Variants in ZFPM1 observed in about 807,000 individuals in gnomAD.
The protein encoded by ZFPM1 is zinc finger protein, FOG family member 1, also known as zinc finger protein ZFPM1.
In ZFPM1, 28 loss-of-function variants were observed where a neutral mutation model predicts 46.3. That is an observed-to-expected ratio of 0.60 (90% CI 0.45 to 0.83). ZFPM1 has a LOEUF of 0.83. Among genes scored for constraint, ZFPM1 ranks in the 40% least tolerant of loss-of-function variants. The pLI is 0.00. For missense variants in ZFPM1, 1,878 were observed against 1,432.4 expected (o/e 1.31, Z -5.02); for synonymous variants, 957 against 675.9 (o/e 1.42, Z -6.45).
At chr16:88,485,806 A>G in intron 1 of ZFPM1, 133 bp from the exon 2 acceptor site, 1 of 717,276 alleles carries the variant, frequency 1.4e-6, no homozygotes, top group Non-Finnish European at 2.3e-6. Flanking sequence ...CCTCAGGGTG[A>G]GGGATGACCC....
intron 1 of ZFPM1, among the ~76,000 whole-genome samples, chr16:88,458,699 C>T (rs1381691745): frequency 1.3e-5 from 2 of 152,204 alleles, no homozygotes; most frequent in African/African-American, 4.8e-5. Context: ...GGTGGGGCTC[C>T]TGCCCACCTG....
intron 6 of ZFPM1, among the ~76,000 whole-genome samples, chr16:88,529,942 A>T (rs975912338): frequency 6.6e-6 from 1 of 152,044 alleles, no homozygotes; most frequent in Admixed American, 6.5e-5. Flanking sequence ...CCAGGTCCAC[A>T]CCTAAGCCCA....
chr16:88,509,366 G>A lies in ZFPM1; in HGVS notation c.269-5021G>A, dbSNP rs1231870481. ...GGGGCCGATTAGATAAGTGGGTGCT[G>A]GGGTGACCCCACGGTGGGCACCAAC... On this transcript the variant is annotated intron_variant, in intron 3 of 9. Coordinates refer to ENST00000319555, the MANE Select transcript of ZFPM1 (RefSeq NM_153813.3). Among the ~76,000 whole-genome samples, 5 of 152,390 alleles carry A rather than the reference G, an allele frequency of 3.3e-5. No individual in the cohort carries two copies. The South Asian group carries it at 8.3e-4, about 25-fold the overall frequency.
intron 4 of ZFPM1, among the ~76,000 whole-genome samples, chr16:88,520,465 G>A (rs1048357906): frequency 2.7e-5 from 4 of 150,430 alleles, no homozygotes; most frequent in African/African-American, 9.8e-5. Context: ...ATGGTGGATG[G>A]ATGGACAGAT....
rs1327855835 is a variant in ZFPM1, at chr16:88,453,519, G to T, written c.-120G>T. The T allele has an allele frequency of 7.6e-6, 3 of 395,416 alleles. No individual in the cohort carries two copies. The highest frequency in any genetic ancestry group is 6.6e-5 in the African/African-American group (3 of 45,272). The allele number at this position is 395,416 out of a possible 1,614,324, so 24.5% of individuals were successfully genotyped here. On this transcript the variant is annotated 5_prime_UTR_variant, in exon 1 of 10. Coordinates refer to ENST00000319555, the MANE Select transcript of ZFPM1 (RefSeq NM_153813.3). ...CGGGCTGGGGGCGCGGGCCGGGGCGGCCGCGGAGACCGGGGGCCGGGGGCA... is the reference window on the plus strand; with the variant it reads ...CGGGCTGGGGGCGCGGGCCGGGGCGTCCGCGGAGACCGGGGGCCGGGGGCA...
chr16:88,489,837 G>A (rs187908755), intron 3 of ZFPM1, among the ~76,000 whole-genome samples: 56 of 152,258 alleles, frequency 3.7e-4, no homozygotes, highest in East Asian at 2.5e-3. Context: ...TGTTTCTGTC[G>A]TTCCTAATAA....
chr16:88,511,036 G>A (rs890408061), intron 3 of ZFPM1, among the ~76,000 whole-genome samples: 9 of 152,130 alleles, frequency 5.9e-5, no homozygotes, highest in African/African-American at 9.7e-5. Context: ...CAACCTGGCC[G>A]GAGCTGGCAT....
chr16:88,476,584 G>A (rs1399631955), intron 1 of ZFPM1, among the ~76,000 whole-genome samples: 5 of 152,122 alleles, frequency 3.3e-5, no homozygotes, highest in African/African-American at 1.2e-4. Context: ...GTAGGGGTTT[G>A]GCTTTTGCTC....
At chr16:88,493,663 GGAGCTGTCCCGGGTTGCGGA>G (rs1235967181) in intron 3 of ZFPM1, among the ~76,000 whole-genome samples, 3 of 128,842 alleles carry the variant, frequency 2.3e-5, no homozygotes, top group Non-Finnish European at 3.5e-5. Context: ...CGGGGTGCGG[GGAGCTGTCCCGGGTTGCGGA>G]GAGCTGTCCT....
intron 3 of ZFPM1, among the ~76,000 whole-genome samples, chr16:88,493,872 C>T (rs554123626): frequency 6.6e-5 from 10 of 152,286 alleles, no homozygotes; most frequent in African/African-American, 2.4e-4. Context: ...CTGTCTGCTG[C>T]GAGCGGCTTT....
intron 5 of ZFPM1, among the ~76,000 whole-genome samples, chr16:88,527,715 G>T (rs7198952): frequency 0.82 from 124,263 of 151,790 alleles, 52,577 homozygotes; most frequent in Non-Finnish European, 0.92. Flanking sequence ...TCTGGCTGCC[G>T]TCCCTGAGTG....
rs201051014 is a variant in ZFPM1, at chr16:88,532,118, G to A, written c.829G>A (p.Ala277Thr). 136 of 1,612,296 alleles carry A rather than the reference G, an allele frequency of 8.4e-5. No individual in the cohort carries two copies. Among genetic ancestry groups the A allele is most frequent in the Middle Eastern group, 4.9e-4 (3 of 6,084 alleles). ...RQGTGSPAAA[A>T]TDEKPKETYP... The stretch of plus-strand genomic sequence containing the variant: ...GGGCACCGGCTCCCCGGCCGCAGCC[G>A]CCACAGACGAGAAGCCCAAAGAGAC... Residue 277 changes from alanine to threonine, a missense_variant, in exon 7 of 10, where the codon GCC becomes ACC. Physicochemically the swap from Ala to Thr is moderately conservative, Grantham distance 58. Transcript: ENST00000319555.
chr16:88,515,300 G>T (rs554032049), intron 4 of ZFPM1, among the ~76,000 whole-genome samples: 1 of 152,304 alleles, frequency 6.6e-6, no homozygotes, highest in East Asian at 1.9e-4. Context: ...GGCCGCTCAG[G>T]GAGTCACTGG....
intron 3 of ZFPM1, among the ~76,000 whole-genome samples, chr16:88,490,419 G>T (rs139569242): frequency 6.6e-6 from 1 of 152,252 alleles, no homozygotes; most frequent in Non-Finnish European, 1.5e-5. Flanking sequence ...GATGCAGAGC[G>T]CGCAAGCGGC....
intron 1 of ZFPM1, among the ~76,000 whole-genome samples, chr16:88,482,266 C>A (rs1288733588): frequency 6.6e-6 from 1 of 151,934 alleles, no homozygotes; most frequent in African/African-American, 2.4e-5. Context: ...TCCCCACGGA[C>A]CCCAGGTGGG....
At chr16:88,487,843 C>T (rs1285680399) in intron 2 of ZFPM1, among the ~76,000 whole-genome samples, 1 of 152,188 alleles carries the variant, frequency 6.6e-6, no homozygotes, top group Non-Finnish European at 1.5e-5. Flanking sequence ...CCTAGCTCAC[C>T]CAGGGACATC....
chr16:88,523,947 C>T (rs533711068), intron 4 of ZFPM1, among the ~76,000 whole-genome samples: 5 of 152,328 alleles, frequency 3.3e-5, no homozygotes, highest in Admixed American at 2.0e-4. Flanking sequence ...GCCCTCCACT[C>T]GGGACCGCCA....
chr16:88,452,726 A>C (rs1907330059), upstream of ZFPM1, among the ~76,000 whole-genome samples: 1 of 152,230 alleles, frequency 6.6e-6, no homozygotes, highest in Non-Finnish European at 1.5e-5. Flanking sequence ...GGAGGGACCA[A>C]GGGCTGGGGG....
At chr16:88,510,198 C>T (rs1179460544) in intron 3 of ZFPM1, among the ~76,000 whole-genome samples, 1 of 152,162 alleles carries the variant, frequency 6.6e-6, no homozygotes, top group Non-Finnish European at 1.5e-5. Flanking sequence ...AGAGCACACA[C>T]AACCGCTGGC....
Sources: gnomAD v4.1 joint callset for allele counts (sites outside exome capture counted in the v4.1 genomes callset) on GRCh38, gnomAD v4.1.1 for gene constraint, MANE v1.5 for transcripts, NCBI Gene and HGNC (gene_info 2026-07-23, HGNC 2026-07-21) for gene names.